URB1: variants seen among roughly 807,000 people sequenced by gnomAD.
URB1 encodes nucleolar pre-ribosomal-associated protein 1.
URB1 carries 197 observed loss-of-function variants against 242.3 expected under a neutral mutation model. The ratio of observed to expected loss-of-function variants is 0.81; its 90% CI spans 0.72 to 0.91. URB1 has a LOEUF of 0.91. URB1 is among the 40% of genes least tolerant of loss of function. The pLI is 0.00. For missense variants in URB1, 2,721 were observed against 2,860.5 expected (o/e 0.95, Z 1.11); for synonymous variants, 1,153 against 1,201.8 (o/e 0.96, Z 0.84).
At chr21:32,339,087 C>G (rs753904898) in intron 25 of URB1, among the ~76,000 whole-genome samples, 187 bp from the exon 26 acceptor site, 2 of 152,182 alleles carry the variant, frequency 1.3e-5, no homozygotes, top group Non-Finnish European at 2.9e-5. Flanking sequence ...CTCTGCCTCC[C>G]AAGTGCAAGT....
chr21:32,341,517 A>T lies in URB1; in HGVS notation c.4265T>A (p.Leu1422His). Residue 1422 changes from leucine (L) to histidine (H), a missense_variant, in exon 25 of 39, where the codon CTT (leucine) becomes CAT (histidine). Transcript: ENST00000382751. ...LLRLNALLHA[L>H]NEVDPGDWQK... ...CCAGTCACCAGGATCAACTTCATTAAGTGCATGCTATGAATAAAATAAGTA... is the reference window on the plus strand; with the variant it reads ...CCAGTCACCAGGATCAACTTCATTATGTGCATGCTATGAATAAAATAAGTA... The T allele has an allele frequency of 6.4e-7, 1 of 1,551,502 alleles. No homozygotes were observed. Among genetic ancestry groups the T allele is most frequent in the South Asian group, 1.2e-5 (1 of 84,056 alleles).
In URB1 at chr21:32,322,535, G is replaced by C. The variant is rs763198210; in HGVS notation, c.5283C>G (p.Tyr1761Ter). ...AGCCTGGCACTTTGTCCATGTTCAA[G>C]TACTCATGCGACAGCAGGAAGTTGC... ...KVSNFLLSHEYLNMDKVPGFY... is the reference protein window; with the variant it reads ...KVSNFLLSHE The change falls in exon 33 of 39, where the codon TAC (tyrosine) becomes TAG (stop). Residue 1761 changes from tyrosine to a stop codon, truncating the protein, a stop_gained. Transcript: ENST00000382751. LOFTEE classifies it high-confidence loss of function. 7 of 1,552,202 alleles carry C rather than the reference G, an allele frequency of 4.5e-6. No individual in the cohort carries two copies. The highest frequency in any genetic ancestry group is 6.1e-6 in the Non-Finnish European group (7 of 1,147,108).
intron 4 of URB1, among the ~76,000 whole-genome samples, chr21:32,378,802 A>G (rs955934935): frequency 6.6e-6 from 1 of 152,210 alleles, no homozygotes; most frequent in South Asian, 2.1e-4. Context: ...AAGTATGGGT[A>G]AAAAATAGTA....
At position 32,347,822 on chromosome 21, in the gene URB1, G is replaced by A; in HGVS notation, c.3013-11C>T. 2 of 1,524,164 alleles carry A rather than the reference G, an allele frequency of 1.3e-6. No homozygotes were observed. Among genetic ancestry groups the A allele is most frequent in the Non-Finnish European group, 1.8e-6 (2 of 1,141,410 alleles). The allele number at this position is 1,524,164 out of a possible 1,614,324, so 94.4% of individuals were successfully genotyped here. On this transcript the variant is annotated splice_polypyrimidine_tract_variant and intron_variant, in intron 21 of 38. Coordinates refer to ENST00000382751, the MANE Select transcript of URB1 (RefSeq NM_014825.3). Reference sequence around the variant, plus strand: ...CACCTCCTCCAGCGTCTGAAAGGCAGTGACGAGGCACAGACGTCACATAGA... The same window carrying A: ...CACCTCCTCCAGCGTCTGAAAGGCAATGACGAGGCACAGACGTCACATAGA...
At chr21:32,363,113 GGT>G in intron 11 of URB1, 41 bp downstream of exon 11, 2 of 1,529,448 alleles carry the variant, frequency 1.3e-6, no homozygotes, top group Middle Eastern at 2.2e-4. Context: ...TTTTCCACCT[GGT>G]GAGGTCTGGA....
At chr21:32,323,911 C>T (rs780550704) in intron 32 of URB1, among the ~76,000 whole-genome samples, 7 of 152,052 alleles carry the variant, frequency 4.6e-5, no homozygotes, top group South Asian at 2.1e-4. Flanking sequence ...TGCAGTGAGC[C>T]GAGATCATGC....
In URB1 at chr21:32,322,645, C is replaced by T. The variant is rs1236803052; in HGVS notation, c.5234-61G>A. The T allele has an allele frequency of 1.7e-5, 22 of 1,275,268 alleles. No individual in the cohort carries two copies. In the Middle Eastern group the frequency reaches 1.1e-3, roughly 61 times the overall value. The allele number at this position is 1,275,268 out of a possible 1,614,324, so 79.0% of individuals were successfully genotyped here. On this transcript the variant is annotated intron_variant, in intron 32 of 38. Transcript: ENST00000382751. Reference sequence around the variant, plus strand: ...CCCAGCAGGACGCCCCCTGGTCTGGCAGCACTAAGAGGCAGGCATTCTGGG... The same window carrying T: ...CCCAGCAGGACGCCCCCTGGTCTGGTAGCACTAAGAGGCAGGCATTCTGGG...
At chr21:32,380,322 T>C (rs1050405485) in intron 4 of URB1, among the ~76,000 whole-genome samples, 3 of 152,230 alleles carry the variant, frequency 2.0e-5, no homozygotes, top group Admixed American at 6.5e-5. Flanking sequence ...TCCCCGTCCA[T>C]GTCACACAGC....
chr21:32,363,582 G>C (rs1475074872), intron 10 of URB1, among the ~76,000 whole-genome samples: 1 of 152,174 alleles, frequency 6.6e-6, no homozygotes, highest in Non-Finnish European at 1.5e-5. Context: ...TTTATCATCT[G>C]CTCTTTGGTA....
intron 24 of URB1, among the ~76,000 whole-genome samples, chr21:32,341,851 T>G (rs1184474539): frequency 6.6e-6 from 1 of 152,194 alleles, no homozygotes; most frequent in Non-Finnish European, 1.5e-5. Context: ...GACAAGCATG[T>G]GATAGCTCAA....
Position 32,341,364 on chromosome 21 carries a change from A to G in URB1, c.4316+102T>C, listed in dbSNP as rs990466073. On this transcript the variant is annotated intron_variant, in intron 25 of 38. Transcript: ENST00000382751. ...CTAAAAACGAGGTGACATCGGCTCC[A>G]CCACGTGGATTATGCTAATAACAAG... 19 of 1,132,772 alleles carry G rather than the reference A, an allele frequency of 1.7e-5. No individual in the cohort carries two copies. The African/African-American group carries it at 2.8e-4, about 17-fold the overall frequency. 70.2% of individuals were successfully genotyped at this position (1,132,772 alleles called of 1,614,324 possible). A position where few individuals can be genotyped will look rare whatever the true frequency, so the allele number is the denominator to read the frequency against.
intron 11 of URB1, among the ~76,000 whole-genome samples, chr21:32,362,636 T>C (rs2033301885): frequency 6.6e-6 from 1 of 152,184 alleles, no homozygotes. Context: ...AAAGAAAGAC[T>C]TTCTCAGGAG....
chr21:32,372,486 C>T, intron 8 of URB1, 21 bp downstream of exon 8: 1 of 1,549,034 alleles, frequency 6.5e-7, no homozygotes. Context: ...CCCTGGGGTC[C>T]ACAAGAGTGT....
At chr21:32,352,652 G>A in intron 19 of URB1, 58 bp downstream of exon 19, 1 of 1,544,132 alleles carries the variant, frequency 6.5e-7, no homozygotes, top group Non-Finnish European at 8.7e-7. Flanking sequence ...CCAGCCAGCT[G>A]GGACCCTGGG....
chr21:32,377,605 G>C (rs1297410629), intron 5 of URB1, among the ~76,000 whole-genome samples: 1 of 152,092 alleles, frequency 6.6e-6, no homozygotes, highest in Non-Finnish European at 1.5e-5. Flanking sequence ...CACCACAGCA[G>C]CAATAGAGCG....
chr21:32,329,932 A>G (rs1263801836), intron 30 of URB1, among the ~76,000 whole-genome samples: 1 of 152,208 alleles, frequency 6.6e-6, no homozygotes, highest in Admixed American at 6.5e-5. Context: ...GTTCAAATAC[A>G]GGATGCTGGC....
Position 32,312,085 on chromosome 21 carries a change from T to C in URB1, c.*2833A>G. ...TTCCTCGTTCTTCTTAGAGGCCATT[T>C]GCATGTAGCAGAAAGGGCACCTAGG... On this transcript the variant is annotated 3_prime_UTR_variant, in exon 39 of 39. Coordinates refer to ENST00000382751, the MANE Select transcript of URB1 (RefSeq NM_014825.3). 1 of 1,596,622 alleles carries C rather than the reference T, an allele frequency of 6.3e-7. No individual in the cohort carries two copies. The highest frequency in any genetic ancestry group is 8.5e-7 in the Non-Finnish European group (1 of 1,177,148).
rs149650742 is a variant in URB1, at chr21:32,355,552, G to A, written c.2003C>T (p.Thr668Met). The A allele has an allele frequency of 2.4e-5, 38 of 1,551,550 alleles. No individual in the cohort carries two copies. The highest frequency in any genetic ancestry group is 1.7e-4 in the Middle Eastern group (1 of 5,992). Residue 668 changes from threonine to methionine, a missense_variant, in exon 16 of 39, where the codon ACG (threonine) becomes ATG (methionine). Transcript: ENST00000382751. ...KLLIMKILRD[T>M]GVFEHTWKEL... ...CTTCCAGGTGTGCTCAAACACCCCC[G>A]TGTCCCGCAGAATCTGCCAGGAAGT...
intron 25 of URB1, among the ~76,000 whole-genome samples, chr21:32,339,656 A>G (rs144362849): frequency 6.6e-6 from 1 of 151,790 alleles, no homozygotes; most frequent in Non-Finnish European, 1.5e-5. Context: ...ACACCTGGCT[A>G]ATTTTTTCAT....
Sources: allele counts gnomAD v4.1 joint callset (sites outside exome capture counted in the v4.1 genomes callset), GRCh38; gene constraint gnomAD v4.1.1; transcripts MANE v1.5; gene names NCBI Gene and HGNC (gene_info 2026-07-23, HGNC 2026-07-21).